FTO: variants seen among roughly 807,000 people sequenced by gnomAD.
FTO encodes the protein alpha-ketoglutarate-dependent dioxygenase FTO.
FTO carries 47 observed loss-of-function variants against 63.9 expected under a neutral mutation model. The ratio of observed to expected loss-of-function variants is 0.74; its 90% CI spans 0.58 to 0.94. The LOEUF is 0.94. FTO is among the 40% of genes least tolerant of loss of function. The probability of loss-of-function intolerance (pLI) is 0.00; values close to 1 mark genes in which losing one functional copy is unlikely to be tolerated. For missense variants in FTO, 562 were observed against 618.1 expected, an observed-to-expected ratio of 0.91 and a Z score of 0.96; for synonymous variants, 207 against 224.4, an observed-to-expected ratio of 0.92 and a Z score of 0.69.
intron 1 of FTO, among the ~76,000 whole-genome samples, chr16:53,724,724 A>G (rs530545240): frequency 6.6e-6 from 1 of 152,262 alleles, no homozygotes; most frequent in South Asian, 2.1e-4. Flanking sequence ...TGACCATTTC[A>G]TGTCTGGTCA....
chr16:53,752,980 A>G (rs1385137687), intron 1 of FTO, among the ~76,000 whole-genome samples: 1 of 148,698 alleles, frequency 6.7e-6, no homozygotes, highest in Non-Finnish European at 1.5e-5. Context: ...AGGGTTAGGG[A>G]TAGGAATAGG....
intron 8 of FTO, among the ~76,000 whole-genome samples, chr16:54,010,792 T>G (rs921503099): frequency 2.0e-5 from 3 of 152,220 alleles, no homozygotes; most frequent in East Asian, 3.8e-4. Context: ...TTCTTTCAAC[T>G]GAACTGTGAG....
At chr16:53,952,718 G>A (rs1336127669) in intron 8 of FTO, among the ~76,000 whole-genome samples, 2 of 152,162 alleles carry the variant, frequency 1.3e-5, no homozygotes, top group Non-Finnish European at 2.9e-5. Context: ...TGAAATGGGT[G>A]GAAGAATACA....
chr16:53,947,335 T>C (rs1260906651), intron 8 of FTO, among the ~76,000 whole-genome samples: 1 of 152,162 alleles, frequency 6.6e-6, no homozygotes, highest in Non-Finnish European at 1.5e-5. Flanking sequence ...TTACAGAAAC[T>C]TGTTGTAGGT....
intron 8 of FTO, among the ~76,000 whole-genome samples, chr16:53,984,619 C>A (rs888821421): frequency 1.4e-4 from 21 of 152,110 alleles, no homozygotes; most frequent in Admixed American, 1.4e-3. Context: ...CTGTGCCCAT[C>A]CAGAATGTGT....
intron 8 of FTO, among the ~76,000 whole-genome samples, chr16:53,978,283 A>AC (rs1386713742): frequency 6.6e-6 from 1 of 152,092 alleles, no homozygotes; most frequent in Non-Finnish European, 1.5e-5. Flanking sequence ...ACCTATTTGC[A>AC]CCCCCTAGTA....
chr16:54,048,638 A>G (rs558255261), intron 8 of FTO, among the ~76,000 whole-genome samples: 4 of 152,318 alleles, frequency 2.6e-5, no homozygotes, highest in Admixed American at 2.6e-4. Flanking sequence ...ATGCCACGTC[A>G]TTAATAACTC....
chr16:53,905,846 C>T (rs571863185), intron 7 of FTO, among the ~76,000 whole-genome samples: 13 of 152,246 alleles, frequency 8.5e-5, no homozygotes, highest in East Asian at 3.9e-4. Context: ...CATGGGTGTA[C>T]GCTCTCTCTG....
chr16:53,760,492 C>T (rs114005889), intron 1 of FTO, among the ~76,000 whole-genome samples: 11,836 of 151,822 alleles, frequency 0.078, 546 homozygotes, highest in Middle Eastern at 0.13. Flanking sequence ...GCCGTCTGCC[C>T]GCACTGGCCT....
intron 8 of FTO, among the ~76,000 whole-genome samples, chr16:53,962,554 T>A (rs1273839099): frequency 2.0e-5 from 3 of 152,190 alleles, no homozygotes; most frequent in Non-Finnish European, 2.9e-5. Context: ...TTATTATGTT[T>A]CATCATTCTG....
intron 4 of FTO, among the ~76,000 whole-genome samples, chr16:53,861,893 TC>T (rs1309020546): frequency 6.6e-6 from 1 of 152,166 alleles, no homozygotes; most frequent in Non-Finnish European, 1.5e-5. Context: ...TGACTTCCTA[TC>T]CTTTCACTTG....
chr16:53,704,052 T>TGTA, upstream of FTO: 1 of 952,650 alleles, frequency 1.0e-6, no homozygotes, highest in Non-Finnish European at 1.7e-6. Flanking sequence ...TCCTGGGAGT[T>TGTA]GTAGTTTTTT....
intron 2 of FTO, among the ~76,000 whole-genome samples, chr16:53,818,247 T>C (rs1050271664): frequency 6.6e-6 from 1 of 152,056 alleles, no homozygotes; most frequent in Non-Finnish European, 1.5e-5. Context: ...ATTTAATTAC[T>C]CTATAAACAA....
chr16:53,894,826 C>CT (rs1164380840), intron 7 of FTO, among the ~76,000 whole-genome samples: 1 of 152,054 alleles, frequency 6.6e-6, no homozygotes, highest in Non-Finnish European at 1.5e-5. Context: ...TGTAAATTCT[C>CT]TTTTTTGACT....
chr16:53,888,769 CA>C, intron 6 of FTO, 62 bp from the exon 7 acceptor site: 1 of 1,581,936 alleles, frequency 6.3e-7, no homozygotes, highest in Non-Finnish European at 8.7e-7. Context: ...GAGACGAAGT[CA>C]TTGTCCTCGC....
At chr16:54,075,980 G>A (rs77001549) in intron 8 of FTO, among the ~76,000 whole-genome samples, 8,344 of 152,134 alleles carry the variant, frequency 0.055, 273 homozygotes, top group South Asian at 0.13. Context: ...ATGCGAGGCC[G>A]GATTCCCCAT....
intron 7 of FTO, among the ~76,000 whole-genome samples, chr16:53,889,164 A>G (rs781194135): frequency 6.6e-6 from 1 of 152,260 alleles, no homozygotes; most frequent in Non-Finnish European, 1.5e-5. Context: ...CTCATAGGGC[A>G]TGTGCTGGAC....
intron 8 of FTO, among the ~76,000 whole-genome samples, chr16:53,966,336 T>A (rs534107891): frequency 6.6e-6 from 1 of 152,370 alleles, no homozygotes; most frequent in East Asian, 1.9e-4. Context: ...GAACATTCTA[T>A]GTGGAATTGC....
chr16:53,749,336 A>T (rs540304404), intron 1 of FTO, among the ~76,000 whole-genome samples: 1 of 152,206 alleles, frequency 6.6e-6, no homozygotes, highest in South Asian at 2.1e-4. Flanking sequence ...TTGCTCTGGC[A>T]ATACTCTAAT....
Sources: allele counts gnomAD v4.1 joint callset (sites outside exome capture counted in the v4.1 genomes callset), GRCh38; gene constraint gnomAD v4.1.1; transcripts MANE v1.5; gene names NCBI Gene and HGNC (gene_info 2026-07-23, HGNC 2026-07-21).